CRYL1: variants seen among roughly 807,000 people sequenced by gnomAD.
CRYL1 encodes the protein crystallin lambda 1, also known as lambda-crystallin homolog.
In CRYL1, 29 loss-of-function variants were observed where a neutral mutation model predicts 36.6. The ratio of observed to expected loss-of-function variants is 0.79; its 90% CI spans 0.59 to 1.08. The LOEUF (loss-of-function observed/expected upper bound fraction) is 1.08. Ranked by LOEUF, CRYL1 falls within the 50% of genes least tolerant of loss-of-function variation. The pLI, the probability that CRYL1 is intolerant of heterozygous loss-of-function variation, is 0.00. For missense variants in CRYL1, 411 were observed against 407.9 expected (o/e 1.01, Z -0.06); for synonymous variants, 152 against 151.5 (o/e 1.00, Z -0.02).
intron 2 of CRYL1, among the ~76,000 whole-genome samples, chr13:20,504,648 C>G (rs1031770613): frequency 6.6e-6 from 1 of 152,172 alleles, no homozygotes; most frequent in Non-Finnish European, 1.5e-5. Flanking sequence ...AGGCCAAGCA[C>G]TGGGCATACA....
In CRYL1 at chr13:20,428,835, GGCACACA is replaced by G. The variant is rs1156647612; in HGVS notation, c.633+3260_633+3266del. Among the ~76,000 whole-genome samples the G allele has an allele frequency of 3.9e-5, 6 of 152,318 alleles. No homozygotes were observed. In the South Asian group the frequency reaches 1.2e-3, roughly 32 times the overall value. ...CCCAGTACCCACACGCCTGGACACA[GGCACACA>G]GCTCATTTCCAGCAGGCTCCCTCAG... On this transcript the variant is annotated intron_variant, in intron 5 of 7. Coordinates refer to ENST00000298248, the MANE Select transcript of CRYL1 (RefSeq NM_015974.3).
At chr13:20,506,794 C>T (rs2033801789) in intron 2 of CRYL1, among the ~76,000 whole-genome samples, 1 of 152,194 alleles carries the variant, frequency 6.6e-6, no homozygotes, top group African/African-American at 2.4e-5. Context: ...GAGCAAACTA[C>T]AGCCCACAGG....
chr13:20,482,724 A>G (rs1210160399), intron 3 of CRYL1, among the ~76,000 whole-genome samples: 1 of 149,666 alleles, frequency 6.7e-6, no homozygotes, highest in East Asian at 2.1e-4. Flanking sequence ...TAGTTGAAGC[A>G]TTGTGGCAAG....
intron 6 of CRYL1, among the ~76,000 whole-genome samples, chr13:20,405,292 G>C (rs1438976612): frequency 1.3e-5 from 2 of 151,370 alleles, no homozygotes; most frequent in Non-Finnish European, 2.9e-5. Context: ...AAAAGTGCCA[G>C]GTCCCTCAGA....
At chr13:20,465,103 T>A (rs961746601) in intron 3 of CRYL1, among the ~76,000 whole-genome samples, 1 of 152,192 alleles carries the variant, frequency 6.6e-6, no homozygotes, top group African/African-American at 2.4e-5. Flanking sequence ...CAGAATAATT[T>A]CTTTAGCAGT....
chr13:20,454,528 CT>C lies in CRYL1; in HGVS notation c.277-14775del, dbSNP rs551013434. Among the ~76,000 whole-genome samples, 224 of 151,132 alleles carry C rather than the reference CT, an allele frequency of 1.5e-3. 1 individual carries two copies. The highest frequency in any genetic ancestry group is 5.0e-3 in the African/African-American group (205 of 41,102). Reference sequence around the variant, plus strand: ...CGCCTCTGAAGTTCACGCCATTCTTCTGCCTCAGCCTCCTGAGTAGCTGGGA... The same window carrying C: ...CGCCTCTGAAGTTCACGCCATTCTTCGCCTCAGCCTCCTGAGTAGCTGGGA... On this transcript the variant is annotated intron_variant, in intron 3 of 7. Transcript: ENST00000298248.
chr13:20,519,584 G>A (rs1021044466), intron 1 of CRYL1, among the ~76,000 whole-genome samples: 2 of 123,582 alleles, frequency 1.6e-5, no homozygotes, highest in African/African-American at 2.7e-5. Flanking sequence ...GCAACATAGC[G>A]AGACCCCATC....
chr13:20,525,748 CT>C lies in CRYL1; in HGVS notation c.41+5del. 3 of 1,336,244 alleles carry C rather than the reference CT, an allele frequency of 2.2e-6. No individual in the cohort carries two copies. The highest frequency in any genetic ancestry group is 3.1e-5 in the Admixed American group (1 of 32,278). The allele number at this position is 1,336,244 out of a possible 1,614,324, so 82.8% of individuals were successfully genotyped here. On this transcript the variant is annotated splice_donor_5th_base_variant and intron_variant, in intron 1 of 7. Transcript: ENST00000298248. The surrounding 1 kb of genome is among the most constrained non-coding windows in gnomAD (Gnocchi z 4.3). ...AGGGGCAGCAGCGCGGCTCGGAGCC[CT>C]TTACCTGCCAACGATCACCACGCAG...
At chr13:20,409,487 C>T (rs1185243441) in intron 6 of CRYL1, among the ~76,000 whole-genome samples, 1 of 150,856 alleles carries the variant, frequency 6.6e-6, no homozygotes, top group Non-Finnish European at 1.5e-5. Flanking sequence ...GACTTCATGT[C>T]TAAAACACCA....
At chr13:20,477,382 C>T (rs992028015) in intron 3 of CRYL1, among the ~76,000 whole-genome samples, 1 of 151,198 alleles carries the variant, frequency 6.6e-6, no homozygotes, top group African/African-American at 2.4e-5. Flanking sequence ...ATAAACTAGG[C>T]ACTGTTTTAG....
intron 3 of CRYL1, among the ~76,000 whole-genome samples, chr13:20,465,361 A>G (rs1317671097): frequency 6.6e-6 from 1 of 152,224 alleles, no homozygotes; most frequent in African/African-American, 2.4e-5. Flanking sequence ...TGATCTCTGC[A>G]CATCAGAGAA....
chr13:20,457,374 G>A (rs1181438077), intron 3 of CRYL1, among the ~76,000 whole-genome samples: 2 of 152,130 alleles, frequency 1.3e-5, no homozygotes, highest in African/African-American at 4.8e-5. Flanking sequence ...CACCAATACA[G>A]GAAACAGGTG....
chr13:20,436,007 C>G lies in CRYL1; in HGVS notation c.438+3586G>C, dbSNP rs74036356. Among the ~76,000 whole-genome samples, 499 of 152,354 alleles carry G rather than the reference C, an allele frequency of 3.3e-3. 2 individuals are homozygous for G. The highest frequency in any genetic ancestry group is 0.012 in the African/African-American group (481 of 41,592). ...AGGGCCGTGCAGATGTGCAAAGAGA[C>G]GCACAGAGCACGGGCGCTTTGCAGA... On this transcript the variant is annotated intron_variant, in intron 4 of 7. Transcript: ENST00000298248.
chr13:20,499,850 T>G (rs763094221), intron 2 of CRYL1, among the ~76,000 whole-genome samples: 2 of 152,372 alleles, frequency 1.3e-5, no homozygotes, highest in Non-Finnish European at 2.9e-5. Flanking sequence ...ATAACCAAAT[T>G]TCCTTGTCAA....
intron 2 of CRYL1, among the ~76,000 whole-genome samples, chr13:20,505,531 G>T (rs1445296181): frequency 6.6e-6 from 1 of 152,172 alleles, no homozygotes; most frequent in East Asian, 1.9e-4. Flanking sequence ...AATAGGTTCA[G>T]GCTAGCAGGT....
intron 4 of CRYL1, chr13:20,433,897 T>C: frequency 6.5e-6 from 1 of 154,528 alleles, no homozygotes; most frequent in East Asian, 1.9e-4. Flanking sequence ...TGACCCCCAG[T>C]CTGCCACAGT....
rs201065581 is a variant in CRYL1, at chr13:20,432,222, T to A, written c.513A>T (p.Arg171Ser). 2.8e-5 allele frequency: 45 copies of A among 1,613,798 alleles called. No homozygotes were observed. The African/African-American group carries it at 5.7e-4, about 21-fold the overall frequency. The change falls in exon 5 of 8, where the codon AGA (arginine) becomes AGT (serine). Residue 171 changes from arginine to serine, a missense_variant. Transcript: ENST00000298248. ...CAATCTTCTTCATCAGGGCGTGGGT[T>A]CTGTCCACTGTCGTAGGGGCCGTCT... ...HPETAPTTVD[R>S]THALMKKIGQ...
At chr13:20,494,611 C>T (rs2033572402) in intron 2 of CRYL1, among the ~76,000 whole-genome samples, 1 of 152,212 alleles carries the variant, frequency 6.6e-6, no homozygotes, top group South Asian at 2.1e-4. Flanking sequence ...CTTAGTAGGC[C>T]AGCTGTGCGT....
intron 2 of CRYL1, among the ~76,000 whole-genome samples, chr13:20,495,682 G>A (rs1300503533): frequency 1.3e-5 from 2 of 152,282 alleles, no homozygotes; most frequent in African/African-American, 4.8e-5. Context: ...AGAGAGATTT[G>A]CACAGTCATG....
Sources: gnomAD v4.1 joint callset for allele counts (sites outside exome capture counted in the v4.1 genomes callset) on GRCh38, gnomAD v4.1.1 for gene constraint, Gnocchi (gnomAD v3.1) non-coding constraint, MANE v1.5 for transcripts, NCBI Gene and HGNC (gene_info 2026-07-23, HGNC 2026-07-21) for gene names.